Variants in PPP4R3A observed in about 807,000 individuals in gnomAD.
The protein encoded by PPP4R3A is protein phosphatase 4 regulatory subunit 3A, also known as serine/threonine-protein phosphatase 4 regulatory subunit 3A.
In PPP4R3A, 15 loss-of-function variants were observed where a neutral mutation model predicts 91.7. The ratio of observed to expected loss-of-function variants is 0.16; its 90% confidence interval spans 0.11 to 0.25. The LOEUF is 0.25. Ranked by LOEUF, PPP4R3A falls within the 10% of genes least tolerant of loss-of-function variation. The pLI, the probability that PPP4R3A is intolerant of heterozygous loss-of-function variation, is 1.00. For synonymous variants in PPP4R3A, 377 were observed against 348.7 expected (o/e 1.08, Z -0.91); for missense variants, 623 against 998.4 (o/e 0.62, Z 5.07).
intron 6 of PPP4R3A, 31 bp downstream of exon 6, chr14:91,476,377 G>C: frequency 7.3e-7 from 1 of 1,378,386 alleles, no homozygotes; most frequent in Admixed American, 2.0e-5. Context: ...TTAAAAAATG[G>C]TAATTAAAAA....
chr14:91,461,300 C>CAAAGGGAATCTTAGTCAAAATTATTGTTG (rs1265312005), intron 14 of PPP4R3A, 81 bp downstream of exon 14: 1 of 1,334,308 alleles, frequency 7.5e-7, no homozygotes, highest in Non-Finnish European at 1.1e-6. Flanking sequence ...TGGCAGTAAC[C>CAAAGGGAATCTTAGTCAAAATTATTGTTG]AAAGGGAATC....
chr14:91,486,552 A>G (rs1043014897), intron 2 of PPP4R3A, among the ~76,000 whole-genome samples: 1 of 152,236 alleles, frequency 6.6e-6, no homozygotes, highest in Non-Finnish European at 1.5e-5. Flanking sequence ...GACACTGCAC[A>G]TACAATACTT....
At chr14:91,505,895 G>A (rs1004098452) in intron 1 of PPP4R3A, among the ~76,000 whole-genome samples, 1 of 152,102 alleles carries the variant, frequency 6.6e-6, no homozygotes, top group African/African-American at 2.4e-5. Flanking sequence ...GACCCCAACT[G>A]GCAGTCAACA....
At chr14:91,485,804 TA>T (rs1233340075) in intron 2 of PPP4R3A, 74 bp from the exon 3 acceptor site, 15 of 997,576 alleles carry the variant, frequency 1.5e-5, no homozygotes, top group Non-Finnish European at 2.2e-5. Context: ...CAAAAGGAAA[TA>T]AAACTGTGCT....
At chr14:91,477,047 C>T (rs1372150141) in intron 4 of PPP4R3A, 61 bp from the exon 5 acceptor site, 4 of 1,315,520 alleles carry the variant, frequency 3.0e-6, no homozygotes, top group African/African-American at 3.0e-5. Context: ...AATATAATTT[C>T]AGGAATGCTT....
At chr14:91,464,943 T>C (rs1175724898) in intron 11 of PPP4R3A, among the ~76,000 whole-genome samples, 4 of 152,308 alleles carry the variant, frequency 2.6e-5, no homozygotes, top group African/African-American at 9.6e-5. Context: ...GCTGATCTGA[T>C]AGGAGGTAGA....
At chr14:91,498,530 A>C (rs7154224) in intron 1 of PPP4R3A, among the ~76,000 whole-genome samples, 74,676 of 151,976 alleles carry the variant, frequency 0.49, 18,680 homozygotes, top group Admixed American at 0.53. Context: ...TCCTCAATTT[A>C]AGAGTATAAA....
intron 3 of PPP4R3A, among the ~76,000 whole-genome samples, chr14:91,483,778 G>A (rs768652747): frequency 6.6e-6 from 1 of 152,120 alleles, no homozygotes; most frequent in African/African-American, 2.4e-5. Context: ...TATAAAAGTT[G>A]AAAGGGAGTA....
intron 4 of PPP4R3A, among the ~76,000 whole-genome samples, chr14:91,479,202 C>T (rs1398479803): frequency 2.0e-5 from 3 of 151,368 alleles, no homozygotes; most frequent in Admixed American, 6.6e-5. Context: ...AGGCTGGTCT[C>T]GAACTCCCGA....
Position 91,470,874 on chromosome 14 carries a change from T to C in PPP4R3A, c.1623A>G (p.Leu541=), listed in dbSNP as rs753765790. 1 of 1,611,498 alleles carries C rather than the reference T, an allele frequency of 6.2e-7. No individual in the cohort carries two copies. The highest frequency in any genetic ancestry group is 1.1e-5 in the South Asian group (1 of 90,052). ...AAGCATGCTTCGAGGCCATAAGAAC[T>C]AGCACTCTCCGGAGGATATCCTTAT... ...IINKDILRRV[L]VLMASKHAFL... is the part of the protein sequence containing the mutation. The change falls in exon 10 of 15, where the codon CTA becomes CTG. Residue 541 remains leucine (L), a synonymous_variant. Coordinates refer to ENST00000554943, the MANE Select transcript of PPP4R3A (RefSeq NM_001366432.2).
rs1204669997 is a variant in PPP4R3A at position 91,481,790 on chromosome 14, C to T, written c.701G>A (p.Arg234Gln). ...TTTTGTTAGAAATTCCCTGTGTTTT[C>T]GTGGTTGTGATAAAGCAGGATCATA... ...LEYDPALSQPRKHREFLTKTA... is the reference protein window; with the variant it reads ...LEYDPALSQPQKHREFLTKTA... Residue 234 changes from arginine (R) to glutamine (Q), a missense_variant, in exon 4 of 15, where the codon CGA becomes CAA. By Grantham distance (43) the Arg-to-Gln change is conservative. Around this residue, in one of 5 missense-constraint regions of PPP4R3A, gnomAD observed 264 missense variants for 377.3 expected, o/e 0.70. Coordinates refer to ENST00000554943, the MANE Select transcript of PPP4R3A (RefSeq NM_001366432.2). 6 of 1,613,974 alleles carry T rather than the reference C, an allele frequency of 3.7e-6. No individual in the cohort carries two copies. The highest frequency in any genetic ancestry group is 1.7e-5 in the Admixed American group (1 of 60,002).
At chr14:91,459,045 G>A (rs1302766731) in intron 14 of PPP4R3A, among the ~76,000 whole-genome samples, 176 bp from the exon 15 acceptor site, 1 of 151,972 alleles carries the variant, frequency 6.6e-6, no homozygotes, top group East Asian at 1.9e-4. Flanking sequence ...TAAATTTCCT[G>A]TAATAAACAT....
intron 1 of PPP4R3A, among the ~76,000 whole-genome samples, chr14:91,493,024 G>C (rs1890317002): frequency 6.6e-6 from 1 of 152,076 alleles, no homozygotes; most frequent in Non-Finnish European, 1.5e-5. Flanking sequence ...CCAGGAGTTT[G>C]AGAACAATTT....
intron 4 of PPP4R3A, among the ~76,000 whole-genome samples, chr14:91,478,962 T>C (rs1233696564): frequency 6.6e-6 from 1 of 151,142 alleles, no homozygotes; most frequent in Non-Finnish European, 1.5e-5. Context: ...ATATTACACT[T>C]ATCTGCAGCG....
intron 10 of PPP4R3A, among the ~76,000 whole-genome samples, chr14:91,469,596 T>C (rs952851921): frequency 6.6e-6 from 1 of 152,222 alleles, no homozygotes; most frequent in Admixed American, 6.5e-5. Context: ...GGGGAGACAG[T>C]GTCTCTCTGT....
intron 4 of PPP4R3A, among the ~76,000 whole-genome samples, chr14:91,477,371 C>A (rs1889276222): frequency 6.6e-6 from 1 of 152,168 alleles, no homozygotes; most frequent in African/African-American, 2.4e-5. Context: ...TGACCCCTCA[C>A]TTTCATAGGT....
chr14:91,464,847 A>T (rs1374968181), intron 11 of PPP4R3A, among the ~76,000 whole-genome samples: 1 of 152,192 alleles, frequency 6.6e-6, no homozygotes, highest in Non-Finnish European at 1.5e-5. Context: ...CTGGGGTGGG[A>T]GTGGGGGAGC....
intron 9 of PPP4R3A, among the ~76,000 whole-genome samples, chr14:91,472,059 T>G: frequency 8.9e-6 from 1 of 112,988 alleles, no homozygotes; most frequent in African/African-American, 3.7e-5. Context: ...AGCAAGATTC[T>G]GTCTCCAAAA....
At position 91,458,816 on chromosome 14, in the gene PPP4R3A, CTCATCATCATCTTCA is replaced by C; in HGVS notation, c.2430_2444del (p.Asp810_Asp814del). The C allele has an allele frequency of 6.2e-7, 1 of 1,613,416 alleles. No individual in the cohort carries two copies. Among genetic ancestry groups the C allele is most frequent in the Non-Finnish European group, 8.5e-7 (1 of 1,179,664 alleles). ...GTAACGTATCTTCCTTATCTTCATC[CTCATCATCATCTTCA>C]TCATCATCAGGATAATCTACCAGAC... is the stretch of plus-strand genomic sequence containing the variant. On this transcript the variant is annotated inframe_deletion, in exon 15 of 15. Transcript: ENST00000554943.
Sources: gnomAD v4.1 joint callset for allele counts (sites outside exome capture counted in the v4.1 genomes callset) on GRCh38, gnomAD v4.1.1 for gene constraint, gnomAD v4.1.1 regional missense constraint, MANE v1.5 for transcripts, NCBI Gene and HGNC (gene_info 2026-07-23, HGNC 2026-07-21) for gene names.